LILRB3: variants seen among roughly 807,000 people sequenced by gnomAD.
The protein encoded by LILRB3 is leukocyte immunoglobulin like receptor B3.
A neutral mutation model predicts 68.2 loss-of-function variants in LILRB3; 32 were observed. The observed-to-expected ratio is 0.47, with a 90% CI of 0.35 to 0.63. The LOEUF (loss-of-function observed/expected upper bound fraction) is 0.63, where lower values mean the gene tolerates loss of function less well. Among genes scored for constraint, LILRB3 ranks in the 30% least tolerant of loss-of-function variants. LILRB3 has a pLI of 0.00. For synonymous variants in LILRB3, 185 were observed against 323.1 expected (o/e 0.57, Z 4.58); for missense variants, 502 against 791.3 (o/e 0.63, Z 4.39).
rs1322856178 is a variant in LILRB3, at chr19:54,222,553, G to C, written c.80C>G (p.Pro27Arg). The C allele has an allele frequency of 3.7e-6, 6 of 1,610,528 alleles. No individual in the cohort carries two copies. In the Admixed American group the frequency reaches 6.7e-5, roughly 18 times the overall value. ...TGGCTCAGCCCAGAGGGTGGGTTTG[G>C]GGAAGGGCCCTAGATGGAAATCAGA... is the stretch of plus-strand genomic sequence containing the variant. The change falls in exon 3 of 13, where the codon CCC (proline) becomes CGC (arginine). Residue 27 changes from proline to arginine, a missense_variant. By Grantham distance (103) the Pro-to-Arg change is moderately radical (BLOSUM62 -2). Coordinates refer to ENST00000445347, the Ensembl canonical transcript of LILRB3.
At chr19:54,217,730 A>T in intron 11 of LILRB3, 3 of 682,116 alleles carry the variant, frequency 4.4e-6, no homozygotes, top group Non-Finnish European at 7.5e-6. Flanking sequence ...GGGCCTTTGC[A>T]CGGCTGTTTC....
Position 54,219,198 on chromosome 19 carries a change from CG to C in LILRB3, c.1356del (p.Phe452LeufsTer48). 6.2e-7 allele frequency: 1 copy of C among 1,606,518 alleles called. No homozygotes were observed. The highest frequency in any genetic ancestry group is 8.5e-7 in the Non-Finnish European group (1 of 1,176,906). Reference sequence around the variant, plus strand: ...AAGAGGAGGAGGAAGAGCAGCAGGACGAAGGCCACCGAGACCCCAATCAAAA... The same window carrying C: ...AAGAGGAGGAGGAAGAGCAGCAGGACAAGGCCACCGAGACCCCAATCAAAA... On this transcript the variant is annotated frameshift_variant, in exon 8 of 13. Transcript: ENST00000445347. LOFTEE classifies it high-confidence loss of function.
exon 4 of LILRB3, chr19:54,222,128 A>C (rs1287291294): frequency 0.018 from 26,682 of 1,519,642 alleles, 2,100 homozygotes; most frequent in African/African-American, 0.14. Flanking sequence ...TTGTTGTAGA[A>C]TCCTAGGAGA....
chr19:54,221,175 C>T lies in LILRB3; in HGVS notation c.863G>A (p.Arg288His), dbSNP rs750817486. 24 of 1,365,204 alleles carry T rather than the reference C, an allele frequency of 1.8e-5. 1 individual carries two copies. Among genetic ancestry groups the T allele is most frequent in the East Asian group, 1.5e-4 (5 of 32,288 alleles). 84.6% of individuals were successfully genotyped at this position (1,365,204 alleles called of 1,614,324 possible). ...GCACCTGTACTGGCCCCCGTAGGAG[C>T]GGCTCACAGGGCCCAGGGTGAAGTT... Residue 288 changes from arginine (R) to histidine (H), a missense_variant, in exon 5 of 13, where the codon CGC becomes CAC. By Grantham distance (29) the Arg-to-His change is conservative (BLOSUM62 0). Transcript: ENST00000445347.
intron 11 of LILRB3, chr19:54,217,792 A>G: frequency 7.0e-6 from 4 of 572,988 alleles, no homozygotes; most frequent in Non-Finnish European, 1.3e-5. Flanking sequence ...CACTCTGTCC[A>G]GGCTTCTCAG....
At chr19:54,219,419 A>G (rs1414431439) in intron 7 of LILRB3, 174 bp from the exon 8 acceptor site, 10 of 1,487,614 alleles carry the variant, frequency 6.7e-6, no homozygotes, top group Non-Finnish European at 8.3e-6. Flanking sequence ...GGCTCAGAGC[A>G]GGGAGTCGCC....
Position 54,219,212 on chromosome 19 carries a change from A to AC in LILRB3, c.1342dup (p.Val448GlyfsTer29). 3.1e-6 allele frequency: 5 copies of AC among 1,599,930 alleles called. No homozygotes were observed. The highest frequency in any genetic ancestry group is 3.4e-6 in the Non-Finnish European group (4 of 1,174,274). Reference sequence around the variant, plus strand: ...GAGCAGCAGGACGAAGGCCACCGAGACCCCAATCAAAACCTCCAGGTATCT... The same window carrying AC: ...GAGCAGCAGGACGAAGGCCACCGAGACCCCCAATCAAAACCTCCAGGTATCT... On this transcript the variant is annotated frameshift_variant, in exon 8 of 13. Transcript: ENST00000445347. LOFTEE classifies it high-confidence loss of function.
At chr19:54,219,427 G>A (rs1032224905) in intron 7 of LILRB3, 182 bp from the exon 8 acceptor site, 74 of 1,498,202 alleles carry the variant, frequency 4.9e-5, no homozygotes, top group Admixed American at 1.8e-4. Context: ...GCAGGGAGTC[G>A]CCTGCCCCAG....
chr19:54,218,746 CT>C lies in LILRB3; in HGVS notation c.1502+16del. The C allele has an allele frequency of 6.2e-7, 1 of 1,613,998 alleles. No homozygotes were observed. Among genetic ancestry groups the C allele is most frequent in the Non-Finnish European group, 8.5e-7 (1 of 1,179,996 alleles). ...GCTGTGGTGGGTGGGAGTCTGTGGT[CT>C]TTGGGGCAGAATTACCTCCTCAGCA... On this transcript the variant is annotated intron_variant, in intron 9 of 12. Coordinates refer to ENST00000445347, the Ensembl canonical transcript of LILRB3.
intron 3 of LILRB3, 50 bp from the exon 4 acceptor site, chr19:54,222,180 C>G: frequency 6.2e-7 from 1 of 1,610,962 alleles, no homozygotes; most frequent in East Asian, 2.2e-5. Flanking sequence ...CCTCCCACAT[C>G]ATCCCCAGGG....
In LILRB3 at chr19:54,218,358, C is replaced by T. The variant is rs1312703218; in HGVS notation, c.1593+3G>A. 4.3e-6 allele frequency: 7 copies of T among 1,614,084 alleles called. No homozygotes were observed. The East Asian group carries it at 1.1e-4, about 26-fold the overall frequency. On this transcript the variant is annotated splice_donor_region_variant and intron_variant, in intron 11 of 12. Coordinates refer to ENST00000445347, the Ensembl canonical transcript of LILRB3. ...TGGTGCCTGGGACGGGGCGGGATCT[C>T]ACCTGACTGTCCAGCTCCACCCTGT...
rs183780145 is a variant in LILRB3 at position 54,218,345 on chromosome 19, C to T, written c.1593+16G>A. 9.9e-5 allele frequency: 160 copies of T among 1,613,846 alleles called. 1 individual carries two copies. The African/African-American group carries it at 1.4e-3, about 14-fold the overall frequency. ...ACCAGGAGGCCTTTGGTGCCTGGGA[C>T]GGGGCGGGATCTCACCTGACTGTCC... On this transcript the variant is annotated intron_variant, in intron 11 of 12. Transcript: ENST00000445347.
At chr19:54,219,633 G>C (rs1055067432) in intron 7 of LILRB3, 16 of 1,495,114 alleles carry the variant, frequency 1.1e-5, no homozygotes, top group East Asian at 4.9e-5. Context: ...CTGTGGAATC[G>C]GGTCTGGGAG....
Position 54,218,353 on chromosome 19 carries a change from G to A in LILRB3, c.1593+8C>T, listed in dbSNP as rs1379172926. ...GCCTTTGGTGCCTGGGACGGGGCGG[G>A]ATCTCACCTGACTGTCCAGCTCCAC... On this transcript the variant is annotated splice_region_variant and intron_variant, in intron 11 of 12. Coordinates refer to ENST00000445347, the Ensembl canonical transcript of LILRB3. The A allele has an allele frequency of 6.2e-7, 1 of 1,613,992 alleles. No individual in the cohort carries two copies. Among genetic ancestry groups the A allele is most frequent in the Non-Finnish European group, 8.5e-7 (1 of 1,180,002 alleles).
intron 8 of LILRB3, 35 bp downstream of exon 8, chr19:54,219,094 C>T (rs370434180): frequency 4.2e-5 from 65 of 1,557,360 alleles, no homozygotes; most frequent in African/African-American, 1.1e-4. Flanking sequence ...AGCCCACCCT[C>T]GGTCGACCCA....
intron 8 of LILRB3, 91 bp downstream of exon 8, chr19:54,219,038 A>G: frequency 1.3e-6 from 2 of 1,533,394 alleles, no homozygotes; most frequent in Non-Finnish European, 1.8e-6. Context: ...CCGGTTTTCT[A>G]AACTGACACC....
intron 1 of LILRB3, 57 bp from the exon 2 acceptor site, chr19:54,222,839 G>T (rs140063405): frequency 0.096 from 147,979 of 1,535,816 alleles, 779 homozygotes; most frequent in African/African-American, 0.27. Flanking sequence ...GTCCCCGCCC[G>T]GGTGCCTCCT....
intron 1 of LILRB3, 39 bp from the exon 2 acceptor site, chr19:54,222,821 C>T: frequency 6.2e-7 from 1 of 1,612,652 alleles, no homozygotes; most frequent in Admixed American, 1.7e-5. Context: ...GCCCTGAAGC[C>T]TGAGCAGGTC....
exon 13 of LILRB3, chr19:54,217,063 G>C (rs762130070): frequency 6.2e-7 from 1 of 1,614,138 alleles, no homozygotes; most frequent in Admixed American, 1.7e-5. Flanking sequence ...GTCTCCTTCT[G>C]CTGAGTGTGG....
Sources: gnomAD v4.1 joint callset for allele counts on GRCh38, gnomAD v4.1.1 for gene constraint, MANE v1.5 for transcripts, NCBI Gene and HGNC (gene_info 2026-07-23, HGNC 2026-07-21) for gene names.